Variants in USP34 observed in about 807,000 individuals in gnomAD.
USP34 encodes the protein ubiquitin specific peptidase 34.
Under a neutral mutation model 460.3 loss-of-function variants are expected in USP34, and 70 were observed. That is an observed-to-expected ratio of 0.15 (90% confidence interval 0.13 to 0.19). The LOEUF (loss-of-function observed/expected upper bound fraction) is 0.19, where lower values mean the gene tolerates loss of function less well. Ranked by LOEUF, USP34 falls within the 10% of genes least tolerant of loss-of-function variation. The pLI is 1.00. For missense variants in USP34, 3,985 were observed against 4,236.2 expected (o/e 0.94, Z 1.65); for synonymous variants, 1,647 against 1,405.3 (o/e 1.17, Z -3.85).
chr2:61,417,744 C>CTTTTTTTTTTTTTTTT (rs55680146), intron 2 of USP34, among the ~76,000 whole-genome samples: 1 of 87,942 alleles, frequency 1.1e-5, no homozygotes, highest in African/African-American at 4.5e-5. Context: ...TTTTTCTTTT[C>CTTTTTTTTTTTTTTTT]TTTTTTTTTT....
At chr2:61,220,238 C>G (rs947799788) in intron 67 of USP34, 72 bp downstream of exon 67, 4 of 1,363,866 alleles carry the variant, frequency 2.9e-6, no homozygotes, top group Non-Finnish European at 3.9e-6. Context: ...GTCGTAGTTG[C>G]CTAAAAACAA....
intron 19 of USP34, among the ~76,000 whole-genome samples, chr2:61,333,301 A>G (rs1277827398): frequency 6.6e-6 from 1 of 152,066 alleles, no homozygotes; most frequent in Non-Finnish European, 1.5e-5. Context: ...AAGTGTTTCA[A>G]ATTTTTTCAG....
intron 75 of USP34, among the ~76,000 whole-genome samples, chr2:61,198,610 C>G (rs1404973703): frequency 2.7e-5 from 4 of 150,904 alleles, no homozygotes; most frequent in Admixed American, 1.3e-4. Flanking sequence ...GTGGTTCATG[C>G]CTGTAATCCC....
intron 5 of USP34, among the ~76,000 whole-genome samples, chr2:61,389,942 G>C (rs977978893): frequency 2.0e-5 from 3 of 152,072 alleles, no homozygotes; most frequent in Non-Finnish European, 1.5e-5. Context: ...AAAGTGCAAA[G>C]TGGCATCATG....
At chr2:61,467,606 A>G (rs1421449992) in intron 1 of USP34, among the ~76,000 whole-genome samples, 5 of 143,088 alleles carry the variant, frequency 3.5e-5, no homozygotes, top group Admixed American at 7.2e-5. Flanking sequence ...TTTTGGGAGG[A>G]CTGTAACTTT....
At chr2:61,226,167 A>G (rs1687719915) in intron 62 of USP34, among the ~76,000 whole-genome samples, 2 of 152,218 alleles carry the variant, frequency 1.3e-5, no homozygotes, top group African/African-American at 4.8e-5. Context: ...CAAAACATAT[A>G]AATATACAAA....
intron 3 of USP34, among the ~76,000 whole-genome samples, chr2:61,396,953 C>G (rs77040404): frequency 6.6e-6 from 1 of 152,152 alleles, no homozygotes; most frequent in East Asian, 1.9e-4. Flanking sequence ...CTTTAAAATG[C>G]TGTCTGAAAA....
chr2:61,228,771 T>C (rs766271847), intron 60 of USP34, 52 bp from the exon 61 acceptor site: 1 of 1,593,788 alleles, frequency 6.3e-7, no homozygotes, highest in Admixed American at 1.8e-5. Flanking sequence ...AGCAATTAAG[T>C]TGCAAATACT....
At chr2:61,353,392 A>ATTTTTTTTTTTT (rs1282016277) in intron 10 of USP34, among the ~76,000 whole-genome samples, 1 of 143,872 alleles carries the variant, frequency 7.0e-6, no homozygotes. Context: ...TCCTAGACGA[A>ATTTTTTTTTTTT]TGTTTTTTTT....
intron 57 of USP34, among the ~76,000 whole-genome samples, chr2:61,233,534 A>C (rs980928803): frequency 3.3e-5 from 5 of 152,108 alleles, no homozygotes; most frequent in Non-Finnish European, 7.4e-5. Context: ...GACAAGAATA[A>C]ATCACTTCTG....
chr2:61,301,501 C>T, intron 27 of USP34, 47 bp from the exon 28 acceptor site: 1 of 1,514,120 alleles, frequency 6.6e-7, no homozygotes, highest in Non-Finnish European at 9.1e-7. Flanking sequence ...TAAGAATTAA[C>T]TTACTTGCTG....
chr2:61,425,316 A>G lies in USP34; in HGVS notation c.44-4483T>C, dbSNP rs549986608. On this transcript the variant is annotated intron_variant, in intron 1 of 79. Transcript: ENST00000398571. Reference sequence around the variant, plus strand: ...CATAAAAAACAAAAATCAGGTGAGTACTCATAGTACCTGGTTTTAACTGCG... The same window carrying G: ...CATAAAAAACAAAAATCAGGTGAGTGCTCATAGTACCTGGTTTTAACTGCG... Among the ~76,000 whole-genome samples, 12 of 152,288 alleles carry G rather than the reference A, an allele frequency of 7.9e-5. 1 individual carries two copies. The highest frequency in any genetic ancestry group is 3.4e-3 in the Middle Eastern group (1 of 294).
chr2:61,284,624 CATG>C (rs1337905012), intron 35 of USP34, among the ~76,000 whole-genome samples: 1 of 152,114 alleles, frequency 6.6e-6, no homozygotes, highest in Non-Finnish European at 1.5e-5. Context: ...GGTGAACAGT[CATG>C]ATATCTGCAA....
rs569145400 is a variant in USP34, at chr2:61,278,748, C to T, written c.5257-305G>A. Reference sequence around the variant, plus strand: ...TGTATACATATGTAACAAACCTTCACGTTGTGCACATGTACCCTAAAACTT... The same window carrying T: ...TGTATACATATGTAACAAACCTTCATGTTGTGCACATGTACCCTAAAACTT... On this transcript the variant is annotated intron_variant, in intron 39 of 79. Coordinates refer to ENST00000398571, the MANE Select transcript of USP34 (RefSeq NM_014709.4). Among the ~76,000 whole-genome samples, 100 of 151,340 alleles carry T rather than the reference C, an allele frequency of 6.6e-4. 1 individual carries two copies. Among genetic ancestry groups the T allele is most frequent in the Non-Finnish European group, 1.0e-4 (7 of 67,892 alleles).
intron 57 of USP34, 63 bp from the exon 58 acceptor site, chr2:61,232,595 G>T: frequency 7.9e-7 from 1 of 1,269,452 alleles, no homozygotes; most frequent in Non-Finnish European, 1.1e-6. Flanking sequence ...TGGGATAACA[G>T]TCACATAAGA....
intron 1 of USP34, among the ~76,000 whole-genome samples, chr2:61,432,466 G>T (rs1375159302): frequency 6.6e-6 from 1 of 152,120 alleles, no homozygotes; most frequent in Admixed American, 6.6e-5. Context: ...GACAGAGTGA[G>T]ACCCTGTCTC....
intron 32 of USP34, among the ~76,000 whole-genome samples, chr2:61,294,427 T>C (rs753579038): frequency 9.2e-5 from 14 of 152,090 alleles, no homozygotes; most frequent in Non-Finnish European, 1.6e-4. Flanking sequence ...TCCTAGACAC[T>C]GGGATGTCCT....
intron 67 of USP34, among the ~76,000 whole-genome samples, chr2:61,216,951 G>T (rs888218960): frequency 2.0e-5 from 3 of 150,326 alleles, no homozygotes; most frequent in African/African-American, 7.3e-5. Context: ...CATTTGGTGT[G>T]AGTTATATAC....
At position 61,422,573 on chromosome 2, in the gene USP34, G is replaced by A. The variant is rs536085676; in HGVS notation, c.44-1740C>T. ...TCCTCTAAGATTAGGACCAAGATAA[G>A]GTGGTCACTTTCACAATTTCTATTC... is the stretch of plus-strand genomic sequence containing the variant. On this transcript the variant is annotated intron_variant, in intron 1 of 79. Coordinates refer to ENST00000398571, the MANE Select transcript of USP34 (RefSeq NM_014709.4). Among the ~76,000 whole-genome samples, 362 of 152,294 alleles carry A rather than the reference G, an allele frequency of 2.4e-3. 2 individuals carry two copies. The highest frequency in any genetic ancestry group is 8.1e-3 in the African/African-American group (337 of 41,560).
Sources: gnomAD v4.1 joint callset for allele counts (sites outside exome capture counted in the v4.1 genomes callset) on GRCh38, gnomAD v4.1.1 for gene constraint, MANE v1.5 for transcripts, NCBI Gene and HGNC (gene_info 2026-07-23, HGNC 2026-07-21) for gene names.